PDZRN4: variants seen among roughly 807,000 people sequenced by gnomAD.
PDZRN4 encodes the protein PDZ domain-containing RING finger protein 4.
Under a neutral mutation model 99.0 loss-of-function variants are expected in PDZRN4, and 70 were observed. That is an observed-to-expected ratio of 0.71 (90% CI 0.58 to 0.86). The LOEUF (loss-of-function observed/expected upper bound fraction) is 0.86. Among genes scored for constraint, PDZRN4 ranks in the 40% least tolerant of loss-of-function variants. The pLI is 0.00. For missense variants in PDZRN4, 1,474 were observed against 1,331.2 expected, an observed-to-expected ratio of 1.11 and a Z score of -1.67; for synonymous variants, 551 against 501.6, an observed-to-expected ratio of 1.10 and a Z score of -1.32.
At chr12:41,411,052 T>G (rs1025500422) in intron 3 of PDZRN4, among the ~76,000 whole-genome samples, 1 of 123,898 alleles carries the variant, frequency 8.1e-6, no homozygotes, top group Non-Finnish European at 1.7e-5. Flanking sequence ...CTTTAAAATA[T>G]ATATATATAT....
At chr12:41,357,251 T>C (rs1041967246) in intron 3 of PDZRN4, among the ~76,000 whole-genome samples, 1 of 151,674 alleles carries the variant, frequency 6.6e-6, no homozygotes, top group African/African-American at 2.4e-5. Flanking sequence ...CTCTAGAATA[T>C]TAATATGTTT....
At chr12:41,202,982 G>T (rs78015294) in intron 3 of PDZRN4, among the ~76,000 whole-genome samples, 4,379 of 151,938 alleles carry the variant, frequency 0.029, 162 homozygotes, top group East Asian at 0.16. Context: ...GGAAACAATA[G>T]ATTTACTCTA....
At chr12:41,291,497 G>C (rs77426670) in intron 3 of PDZRN4, among the ~76,000 whole-genome samples, 1,887 of 152,170 alleles carry the variant, frequency 0.012, 39 homozygotes, top group African/African-American at 0.043. Context: ...GACTTTCAGA[G>C]TTTCTGGAAA....
intron 3 of PDZRN4, among the ~76,000 whole-genome samples, chr12:41,305,520 C>G (rs1032672216): frequency 7.2e-5 from 11 of 152,092 alleles, no homozygotes; most frequent in African/African-American, 2.7e-4. Flanking sequence ...GATTTGGTAT[C>G]TTGTGTGGGC....
chr12:41,340,229 A>G (rs1032121907), intron 3 of PDZRN4, among the ~76,000 whole-genome samples: 3 of 152,032 alleles, frequency 2.0e-5, no homozygotes, highest in African/African-American at 7.2e-5. Context: ...TGTATAGAAT[A>G]GAGAACGATT....
chr12:41,286,674 T>C lies in PDZRN4; in HGVS notation c.843+92486T>C, dbSNP rs1462540748. On this transcript the variant is annotated intron_variant, in intron 3 of 9. Coordinates refer to ENST00000402685, the MANE Select transcript of PDZRN4 (RefSeq NM_001164595.2). ...ATGGATGTGTCAACACCAGGAAGAG[T>C]AAATGTTTGGGTGTTCACTACAAGT... Among the ~76,000 whole-genome samples the C allele has an allele frequency of 2.0e-5, 3 of 151,926 alleles. No individual in the cohort carries two copies. In the East Asian group the frequency reaches 5.8e-4, roughly 29 times the overall value.
intron 3 of PDZRN4, among the ~76,000 whole-genome samples, chr12:41,243,299 T>C (rs1951112296): frequency 6.6e-6 from 1 of 152,214 alleles, no homozygotes; most frequent in Admixed American, 6.5e-5. Flanking sequence ...ACATTACCCT[T>C]TGGATTTGTT....
intron 3 of PDZRN4, among the ~76,000 whole-genome samples, chr12:41,408,930 G>A (rs1298946899): frequency 6.6e-6 from 1 of 151,958 alleles, no homozygotes; most frequent in African/African-American, 2.4e-5. Context: ...TTGCTTGAAT[G>A]AAAAATGAAA....
At chr12:41,291,876 C>T (rs938492829) in intron 3 of PDZRN4, among the ~76,000 whole-genome samples, 1 of 140,818 alleles carries the variant, frequency 7.1e-6, no homozygotes, top group Non-Finnish European at 1.6e-5. Context: ...TTACCTCAAA[C>T]CTGGTACATG....
At chr12:41,477,851 C>T in intron 3 of PDZRN4, 3 of 1,515,482 alleles carry the variant, frequency 2.0e-6, no homozygotes, top group Non-Finnish European at 1.8e-6. Context: ...TTGGATTTTT[C>T]TTGCATTTTT....
intron 5 of PDZRN4, among the ~76,000 whole-genome samples, chr12:41,551,992 T>C (rs567459268): frequency 6.6e-6 from 1 of 152,340 alleles, no homozygotes; most frequent in African/African-American, 2.4e-5. Flanking sequence ...TCAGTAAATG[T>C]ATTTTCCTGT....
At chr12:41,232,307 G>T (rs1951033780) in intron 3 of PDZRN4, among the ~76,000 whole-genome samples, 1 of 152,036 alleles carries the variant, frequency 6.6e-6, no homozygotes, top group Admixed American at 6.6e-5. Context: ...TTCAGCAGAG[G>T]ATGGTAAATA....
intron 3 of PDZRN4, among the ~76,000 whole-genome samples, chr12:41,447,325 A>G (rs1008209212): frequency 2.6e-5 from 4 of 152,146 alleles, no homozygotes; most frequent in African/African-American, 9.7e-5. Context: ...TTAAGACAAC[A>G]TGGAAAATAA....
chr12:41,405,911 C>T lies in PDZRN4; in HGVS notation c.844-100545C>T, dbSNP rs573214000. 6.1e-5 allele frequency among the ~76,000 whole-genome samples: 9 copies of T among 147,910 alleles called. No individual in the cohort carries two copies. The South Asian group carries it at 1.9e-3, about 32-fold the overall frequency. On this transcript the variant is annotated intron_variant, in intron 3 of 9. Coordinates refer to ENST00000402685, the MANE Select transcript of PDZRN4 (RefSeq NM_001164595.2). Reference sequence around the variant, plus strand: ...GAACTAAACATTGAACACATGTGAACATAAATGTTGGAACAATAGACACTG... The same window carrying T: ...GAACTAAACATTGAACACATGTGAATATAAATGTTGGAACAATAGACACTG...
intron 3 of PDZRN4, among the ~76,000 whole-genome samples, chr12:41,355,487 C>A (rs1237143704): frequency 6.6e-6 from 1 of 152,030 alleles, no homozygotes; most frequent in East Asian, 1.9e-4. Context: ...TTCTGATATC[C>A]TTCAATTAGC....
At chr12:41,406,329 GTTT>G (rs1952349473) in intron 3 of PDZRN4, among the ~76,000 whole-genome samples, 1 of 151,650 alleles carries the variant, frequency 6.6e-6, no homozygotes, top group South Asian at 2.1e-4. Context: ...AAATAAAACA[GTTT>G]GGTTGAAAAC....
intron 3 of PDZRN4, among the ~76,000 whole-genome samples, chr12:41,204,604 AT>A (rs1366359529): frequency 6.6e-6 from 1 of 152,018 alleles, no homozygotes; most frequent in African/African-American, 2.4e-5. Flanking sequence ...GGGAGAATAA[AT>A]GCAGGAGGAA....
chr12:41,253,613 A>G (rs1258999642), intron 3 of PDZRN4, among the ~76,000 whole-genome samples: 2 of 152,214 alleles, frequency 1.3e-5, no homozygotes, highest in African/African-American at 2.4e-5. Context: ...TAAAACTTCC[A>G]TATGATCCAG....
intron 3 of PDZRN4, among the ~76,000 whole-genome samples, chr12:41,218,633 A>C (rs1480459579): frequency 6.6e-6 from 1 of 152,146 alleles, no homozygotes; most frequent in Non-Finnish European, 1.5e-5. Flanking sequence ...AGACTCTCAA[A>C]TAATTTGGTT....
Sources: allele counts gnomAD v4.1 joint callset (sites outside exome capture counted in the v4.1 genomes callset), GRCh38; gene constraint gnomAD v4.1.1; transcripts MANE v1.5; gene names NCBI Gene and HGNC (gene_info 2026-07-23, HGNC 2026-07-21).